Variants in TMEM63C observed in about 807,000 individuals in gnomAD.
TMEM63C encodes osmosensitive cation channel TMEM63C.
A neutral mutation model predicts 99.2 loss-of-function variants in TMEM63C; 32 were observed. The ratio of observed to expected loss-of-function variants is 0.32; its 90% CI spans 0.24 to 0.43. The LOEUF is 0.43. Ranked by LOEUF, TMEM63C falls within the 20% of genes least tolerant of loss-of-function variation. The pLI is 1.00. For synonymous variants in TMEM63C, 376 were observed against 397.9 expected (o/e 0.94, Z 0.66); for missense variants, 826 against 1,053.0 (o/e 0.78, Z 2.98).
In TMEM63C at chr14:77,183,699, C is replaced by T. The variant is rs1314837562; in HGVS notation, c.-77+1805C>T. Reference sequence around the variant, plus strand: ...CATGAATTGCTCCTTTTCAGACACCCTCTGAGCACAGAACCCCTGACGCTG... The same window carrying T: ...CATGAATTGCTCCTTTTCAGACACCTTCTGAGCACAGAACCCCTGACGCTG... On this transcript the variant is annotated intron_variant, in intron 1 of 23. Transcript: ENST00000298351. Among the ~76,000 whole-genome samples, 7 of 152,328 alleles carry T rather than the reference C, an allele frequency of 4.6e-5. No individual in the cohort carries two copies. The East Asian group carries it at 1.4e-3, about 29-fold the overall frequency.
At chr14:77,185,068 C>A (rs1887974483) in intron 1 of TMEM63C, among the ~76,000 whole-genome samples, 1 of 152,232 alleles carries the variant, frequency 6.6e-6, no homozygotes, top group Admixed American at 6.5e-5. Flanking sequence ...TCACCTCCTG[C>A]CTCCTTGTAG....
intron 21 of TMEM63C, among the ~76,000 whole-genome samples, chr14:77,250,738 C>G (rs142849520): frequency 9.5e-4 from 145 of 152,320 alleles, no homozygotes; most frequent in African/African-American, 3.1e-3. Flanking sequence ...GGTCGACTCT[C>G]AGTCATTTAT....
At chr14:77,237,879 G>T (rs944967634) in intron 9 of TMEM63C, among the ~76,000 whole-genome samples, 1 of 152,218 alleles carries the variant, frequency 6.6e-6, no homozygotes, top group Non-Finnish European at 1.5e-5. Flanking sequence ...AGGTTCAGTG[G>T]TGTGGAATCA....
intron 1 of TMEM63C, among the ~76,000 whole-genome samples, chr14:77,200,248 G>A (rs548777154): frequency 3.3e-5 from 5 of 152,328 alleles, no homozygotes; most frequent in East Asian, 3.9e-4. Flanking sequence ...TGGAGTTTGT[G>A]CTCTAGTTGA....
chr14:77,240,676 TC>T, intron 13 of TMEM63C, 68 bp downstream of exon 13: 1 of 1,563,568 alleles, frequency 6.4e-7, no homozygotes, highest in South Asian at 1.2e-5. Flanking sequence ...CTCCTCCCTC[TC>T]CACCTCCAGT....
intron 9 of TMEM63C, among the ~76,000 whole-genome samples, chr14:77,238,252 A>C (rs57178676): frequency 0.15 from 23,196 of 152,122 alleles, 1,907 homozygotes; most frequent in African/African-American, 0.22. Flanking sequence ...ATTTCCCTAG[A>C]GATGTGAGGC....
At chr14:77,248,274 C>T in intron 18 of TMEM63C, 73 bp from the exon 19 acceptor site, 1 of 1,383,528 alleles carries the variant, frequency 7.2e-7, no homozygotes, top group South Asian at 1.3e-5. Context: ...GCTCTCCTCT[C>T]TCTCCTCCCT....
chr14:77,188,651 T>C (rs1051829862), intron 1 of TMEM63C, among the ~76,000 whole-genome samples: 3 of 152,156 alleles, frequency 2.0e-5, no homozygotes, highest in Non-Finnish European at 4.4e-5. Context: ...GAGGATTGCT[T>C]GAGCCCAGGA....
At chr14:77,218,672 C>A in intron 2 of TMEM63C, 129 bp from the exon 3 acceptor site, 1 of 845,588 alleles carries the variant, frequency 1.2e-6, no homozygotes, top group Non-Finnish European at 1.8e-6. Context: ...GCCCTCCTGT[C>A]TTGGGTCTGA....
chr14:77,203,096 C>T (rs1013730241), intron 1 of TMEM63C, among the ~76,000 whole-genome samples: 4 of 152,240 alleles, frequency 2.6e-5, no homozygotes, highest in East Asian at 1.9e-4. Flanking sequence ...GCAATAAAGA[C>T]GCTGGGCGTG....
intron 1 of TMEM63C, among the ~76,000 whole-genome samples, chr14:77,202,442 C>T (rs1368085606): frequency 1.5e-4 from 23 of 152,184 alleles, no homozygotes; most frequent in Admixed American, 1.5e-3. Context: ...TATTCTCTTC[C>T]AGTCCTGGAG....
At chr14:77,219,014 G>A (rs6574361) in intron 3 of TMEM63C, 51 bp downstream of exon 3, 242,666 of 1,457,634 alleles carry the variant, frequency 0.17, 24,022 homozygotes, top group East Asian at 0.49. Context: ...AGACAGGGTC[G>A]AACTTTCACA....
chr14:77,191,950 A>AG (rs1888118301), intron 1 of TMEM63C, among the ~76,000 whole-genome samples: 1 of 152,124 alleles, frequency 6.6e-6, no homozygotes, highest in South Asian at 2.1e-4. Flanking sequence ...TTCTCCCTTC[A>AG]GTTTTGTCAA....
chr14:77,216,248 C>A (rs1233012818), intron 2 of TMEM63C, among the ~76,000 whole-genome samples: 3 of 152,108 alleles, frequency 2.0e-5, no homozygotes, highest in Non-Finnish European at 2.9e-5. Flanking sequence ...GGACACCACC[C>A]TCTCCTGCTT....
intron 10 of TMEM63C, among the ~76,000 whole-genome samples, chr14:77,238,979 A>G (rs994858457): frequency 2.6e-5 from 4 of 152,176 alleles, no homozygotes; most frequent in Non-Finnish European, 5.9e-5. Flanking sequence ...CCTGCATGGC[A>G]TGGCTGTGAT....
intron 9 of TMEM63C, among the ~76,000 whole-genome samples, chr14:77,237,086 G>A (rs893546022): frequency 2.0e-5 from 3 of 151,898 alleles, no homozygotes; most frequent in Non-Finnish European, 2.9e-5. Context: ...TTTCAGACTG[G>A]TTGGTAAATA....
intron 8 of TMEM63C, 50 bp downstream of exon 8, chr14:77,233,550 T>C (rs945354761): frequency 6.3e-7 from 1 of 1,593,874 alleles, no homozygotes. Context: ...GGTGTTGGTG[T>C]GGAGAGGAGG....
At chr14:77,210,512 G>A (rs187455579) in intron 1 of TMEM63C, among the ~76,000 whole-genome samples, 1 of 152,198 alleles carries the variant, frequency 6.6e-6, no homozygotes, top group Non-Finnish European at 1.5e-5. Context: ...CAGCAGACAT[G>A]TCAGTGGTGA....
Position 77,242,464 on chromosome 14 carries a change from T to C in TMEM63C, c.1182T>C (p.Ile394=). The change falls in exon 14 of 24, where the codon ATT becomes ATC. Residue 394 remains isoleucine (I), a synonymous_variant. Coordinates refer to ENST00000298351, the MANE Select transcript of TMEM63C (RefSeq NM_020431.4). ...CTATGGCCCCACACCCCAAAGACAT[T>C]ATTTGGTAAGCCTCCTCCATCCCTC... The part of the protein sequence containing the change: ...RVTMAPHPKD[I]IWKHLSVRRF... 2.5e-6 allele frequency: 4 copies of C among 1,613,722 alleles called. No homozygotes were observed. Among genetic ancestry groups the C allele is most frequent in the Non-Finnish European group, 3.4e-6 (4 of 1,179,812 alleles).
Sources: gnomAD v4.1 joint callset for allele counts (sites outside exome capture counted in the v4.1 genomes callset) on GRCh38, gnomAD v4.1.1 for gene constraint, MANE v1.5 for transcripts, NCBI Gene and HGNC (gene_info 2026-07-23, HGNC 2026-07-21) for gene names.